Variants in KIAA1328 observed in about 807,000 individuals in gnomAD.
The protein encoded by KIAA1328 is KIAA1328.
KIAA1328 carries 52 observed loss-of-function variants against 68.1 expected under a neutral mutation model. The observed-to-expected ratio is 0.76, with a 90% confidence interval of 0.61 to 0.96. The LOEUF (loss-of-function observed/expected upper bound fraction) is 0.96, where lower values mean the gene tolerates loss of function less well. Ranked by LOEUF, KIAA1328 falls within the 40% of genes least tolerant of loss-of-function variation. The pLI is 0.00. For missense variants in KIAA1328, 641 were observed against 677.6 expected, an observed-to-expected ratio of 0.95 and a Z score of 0.60; for synonymous variants, 232 against 239.4, an observed-to-expected ratio of 0.97 and a Z score of 0.28.
At chr18:37,109,113 C>CT (rs2057857694) in intron 7 of KIAA1328, among the ~76,000 whole-genome samples, 2 of 152,168 alleles carry the variant, frequency 1.3e-5, no homozygotes, top group Admixed American at 1.3e-4. Context: ...TGAACTCATC[C>CT]TTTTTTATGG....
chr18:37,136,358 A>AT lies in KIAA1328; in HGVS notation c.1233-23836dup, dbSNP rs574198610. ...TATATTCATGGTTCATTTGCAAGAT[A>AT]TTTTTTGGCATACTGTAAATATATC... On this transcript the variant is annotated intron_variant, in intron 7 of 9. Coordinates refer to ENST00000280020, the MANE Select transcript of KIAA1328 (RefSeq NM_020776.3). Among the ~76,000 whole-genome samples the AT allele has an allele frequency of 2.6e-4, 39 of 152,280 alleles. No homozygotes were observed. The East Asian group carries it at 6.8e-3, about 26-fold the overall frequency.
In KIAA1328 at chr18:36,868,249, G is replaced by A. The variant is rs573156303; in HGVS notation, c.333-17308G>A. ...ATATGGGTTTAAAGTAAATGAAGGG[G>A]TTTCCCTGAGGTGTCCAGAATTGAT... On this transcript the variant is annotated intron_variant, in intron 4 of 9. Coordinates refer to ENST00000280020, the MANE Select transcript of KIAA1328 (RefSeq NM_020776.3). Among the ~76,000 whole-genome samples the A allele has an allele frequency of 2.6e-5, 4 of 152,264 alleles. No homozygotes were observed. The East Asian group carries it at 7.7e-4, about 29-fold the overall frequency.
At chr18:37,160,070 T>C in intron 7 of KIAA1328, 130 bp from the exon 8 acceptor site, 1 of 660,294 alleles carries the variant, frequency 1.5e-6, no homozygotes, top group Non-Finnish European at 2.3e-6. Context: ...ATTTAAATTA[T>C]ACCTCAATAA....
intron 5 of KIAA1328, chr18:36,895,864 A>G (rs534385293): frequency 5.6e-5 from 25 of 449,482 alleles, no homozygotes; most frequent in African/African-American, 4.8e-4. Context: ...GTCACACACC[A>G]CACCCCCACG....
chr18:37,135,031 C>G (rs372783622), intron 7 of KIAA1328, among the ~76,000 whole-genome samples: 1 of 152,142 alleles, frequency 6.6e-6, no homozygotes, highest in Non-Finnish European at 1.5e-5. Flanking sequence ...GGACATCATT[C>G]CATTCTTTTT....
chr18:36,863,816 T>C (rs1195887602), intron 4 of KIAA1328, among the ~76,000 whole-genome samples: 3 of 152,208 alleles, frequency 2.0e-5, no homozygotes, highest in Non-Finnish European at 2.9e-5. Flanking sequence ...ACATTTTTGT[T>C]GATAGTGTAT....
At position 36,910,135 on chromosome 18, in the gene KIAA1328, A is replaced by G. The variant is rs2049379323; in HGVS notation, c.448+24463A>G. Among the ~76,000 whole-genome samples, 6 of 152,044 alleles carry G rather than the reference A, an allele frequency of 3.9e-5. No homozygotes were observed. In the South Asian group the frequency reaches 1.2e-3, roughly 32 times the overall value. On this transcript the variant is annotated intron_variant, in intron 5 of 9. Coordinates refer to ENST00000280020, the MANE Select transcript of KIAA1328 (RefSeq NM_020776.3). ...AAGCTCCTTAGTTTAATTAGATCCC[A>G]TTTGTCAATTTTGGCTTTTGTTGCC...
chr18:36,873,955 G>T (rs879770400), intron 4 of KIAA1328, among the ~76,000 whole-genome samples: 2 of 152,166 alleles, frequency 1.3e-5, no homozygotes, highest in Admixed American at 1.3e-4. Context: ...TTCTGTTCCT[G>T]TGTTAGTTTG....
chr18:37,224,589 T>C lies in KIAA1328; in HGVS notation c.*2362T>C. 1 of 970,380 alleles carries C rather than the reference T, an allele frequency of 1.0e-6. No homozygotes were observed. Among genetic ancestry groups the C allele is most frequent in the Non-Finnish European group, 1.2e-6 (1 of 816,224 alleles). The allele number at this position is 970,380 out of a possible 1,614,324, so 60.1% of individuals were successfully genotyped here. The stretch of plus-strand genomic sequence containing the variant: ...GTACATGTTAACATTTTAATCTATT[T>C]AAATTTACTTTGAAATATATACATA... On this transcript the variant is annotated 3_prime_UTR_variant, in exon 10 of 10. Coordinates refer to ENST00000280020, the MANE Select transcript of KIAA1328 (RefSeq NM_020776.3).
At chr18:36,939,042 C>T (rs535947942) in intron 5 of KIAA1328, among the ~76,000 whole-genome samples, 2 of 152,166 alleles carry the variant, frequency 1.3e-5, no homozygotes, top group East Asian at 3.9e-4. Flanking sequence ...CAGCTTTGTT[C>T]TTGTTGCTCA....
intron 7 of KIAA1328, among the ~76,000 whole-genome samples, chr18:37,156,319 G>C (rs546116634): frequency 5.3e-5 from 8 of 151,470 alleles, no homozygotes; most frequent in African/African-American, 1.9e-4. Flanking sequence ...CCAGCTACTC[G>C]GGAGGCTGAG....
chr18:36,915,481 A>G (rs2049655527), intron 5 of KIAA1328, among the ~76,000 whole-genome samples: 1 of 152,230 alleles, frequency 6.6e-6, no homozygotes, highest in Non-Finnish European at 1.5e-5. Context: ...TGAAAACTCA[A>G]CAATAAGAAA....
At chr18:37,162,757 T>C (rs555878582) in intron 8 of KIAA1328, among the ~76,000 whole-genome samples, 17 of 152,282 alleles carry the variant, frequency 1.1e-4, no homozygotes, top group African/African-American at 4.1e-4. Context: ...TTTGCTGTTA[T>C]CCTTTACTCA....
Position 37,223,570 on chromosome 18 carries a change from T to TC in KIAA1328, c.*1344dup, listed in dbSNP as rs1297543411. 36 of 985,400 alleles carry TC rather than the reference T, an allele frequency of 3.7e-5. No individual in the cohort carries two copies. The African/African-American group carries it at 6.3e-4, about 17-fold the overall frequency. 61.0% of individuals were successfully genotyped at this position (985,400 alleles called of 1,614,324 possible). A position where few individuals can be genotyped will look rare whatever the true frequency, so the allele number is the denominator to read the frequency against. The stretch of plus-strand genomic sequence containing the variant: ...TTGATCTGGAGGGTGTGGCTTTTTT[T>TC]CTCTCCTTTTTACCAACCCCAACTA... On this transcript the variant is annotated 3_prime_UTR_variant, in exon 10 of 10. Transcript: ENST00000280020.
chr18:37,146,340 T>C (rs1357960081), intron 7 of KIAA1328, among the ~76,000 whole-genome samples: 1 of 152,098 alleles, frequency 6.6e-6, no homozygotes, highest in African/African-American at 2.4e-5. Flanking sequence ...GAGCATGCAG[T>C]ATTTGGTTTT....
chr18:37,113,517 G>A (rs908387853), intron 7 of KIAA1328, among the ~76,000 whole-genome samples: 7 of 152,042 alleles, frequency 4.6e-5, no homozygotes, highest in African/African-American at 7.2e-5. Context: ...ATCACTGAAC[G>A]TGGAAAGGAA....
intron 6 of KIAA1328, among the ~76,000 whole-genome samples, chr18:37,058,083 GAGTC>G (rs2151696156): frequency 6.6e-6 from 1 of 152,310 alleles, no homozygotes; most frequent in South Asian, 2.1e-4. Flanking sequence ...TGTCTGCAAA[GAGTC>G]AGGGACTGTA....
At chr18:37,017,878 A>G (rs2054207501) in intron 6 of KIAA1328, among the ~76,000 whole-genome samples, 1 of 152,134 alleles carries the variant, frequency 6.6e-6, no homozygotes, top group African/African-American at 2.4e-5. Flanking sequence ...GATCTCTTGA[A>G]GACAGTAGAT....
intron 7 of KIAA1328, among the ~76,000 whole-genome samples, chr18:37,134,596 G>A (rs1013261675): frequency 1.3e-5 from 2 of 152,162 alleles, no homozygotes; most frequent in African/African-American, 4.8e-5. Context: ...GATGTCACAT[G>A]TTGTGTACCT....
Sources: gnomAD v4.1 joint callset for allele counts (sites outside exome capture counted in the v4.1 genomes callset) on GRCh38, gnomAD v4.1.1 for gene constraint, MANE v1.5 for transcripts, NCBI Gene and HGNC (gene_info 2026-07-23, HGNC 2026-07-21) for gene names.